The following PLEKHA4 variants were observed in gnomAD, a reference collection of about 807,000 sequenced individuals.
PLEKHA4 encodes pleckstrin homology domain containing A4, also known as pleckstrin homology domain-containing family A member 4.
Under a neutral mutation model 94.7 loss-of-function variants are expected in PLEKHA4, and 73 were observed. The observed-to-expected ratio is 0.77, with a 90% CI of 0.64 to 0.94. The LOEUF is 0.94. Among genes scored for constraint, PLEKHA4 ranks in the 40% least tolerant of loss-of-function variants. PLEKHA4 has a pLI of 0.00. For missense variants in PLEKHA4, 1,049 were observed against 1,054.1 expected (o/e 1.00, Z 0.07); for synonymous variants, 449 against 437.1 (o/e 1.03, Z -0.34).
At chr19:48,855,963 G>A (rs138308573) in intron 9 of PLEKHA4, among the ~76,000 whole-genome samples, 1,688 of 151,096 alleles carry the variant, frequency 0.011, 12 homozygotes, top group South Asian at 0.029. Flanking sequence ...ACCTGAGGTC[G>A]GGAGTTCAAG....
chr19:48,868,362 C>T lies in PLEKHA4; in HGVS notation c.-286G>A, dbSNP rs561407781. The stretch of plus-strand genomic sequence containing the variant: ...TCTCTCTCTCACTCATTCTCTCCCT[C>T]TCTCTCTCTCTCCAATCTTTCTGTT... On this transcript the variant is annotated 5_prime_UTR_variant, in exon 1 of 20. Coordinates refer to ENST00000263265, the MANE Select transcript of PLEKHA4 (RefSeq NM_020904.3). 1.3e-5 allele frequency: 2 copies of T among 151,696 alleles called. No individual in the cohort carries two copies. The highest frequency in any genetic ancestry group is 3.9e-4 in the East Asian group (2 of 5,166). The allele number at this position is 151,696 out of a possible 1,614,324, so 9.4% of individuals were successfully genotyped here.
chr19:48,839,323 G>C, intron 17 of PLEKHA4, 60 bp from the exon 18 acceptor site: 1 of 1,231,508 alleles, frequency 8.1e-7, no homozygotes, highest in Non-Finnish European at 1.1e-6. Context: ...CTCATTTTGA[G>C]GGTGAAGTGA....
At chr19:48,866,362 A>G (rs1355272987) in intron 2 of PLEKHA4, among the ~76,000 whole-genome samples, 2 of 151,940 alleles carry the variant, frequency 1.3e-5, no homozygotes, top group African/African-American at 4.8e-5. Context: ...GCTGGAGCAC[A>G]CTGGCACCAT....
chr19:48,850,724 G>A lies in PLEKHA4; in HGVS notation c.1425+1504C>T, dbSNP rs149377777. On this transcript the variant is annotated intron_variant, in intron 13 of 19. Coordinates refer to ENST00000263265, the MANE Select transcript of PLEKHA4 (RefSeq NM_020904.3). ...CCCAGCTACTCGGGAGGCTGAGGCA[G>A]GAGAATTGCTTGAACCTGGGAGGCG... Among the ~76,000 whole-genome samples, 543 of 152,210 alleles carry A rather than the reference G, an allele frequency of 3.6e-3. 5 individuals are homozygous for A. Among genetic ancestry groups the A allele is most frequent in the African/African-American group, 0.012 (517 of 41,540 alleles).
At position 48,865,510 on chromosome 19, in the gene PLEKHA4, T is replaced by C. The variant is rs752752181; in HGVS notation, c.185A>G (p.His62Arg). ...TTCTCCTACTGACCCCACCTGCTTA[T>C]GAAGCCAGCCTCGGATGTGCACGGG... Reference protein sequence around the residue: ...NLPVHIRGWLHKQDSSGLRLW... With the variant: ...NLPVHIRGWLRKQDSSGLRLW... Residue 62 changes from histidine (H) to arginine (R), a missense_variant, in exon 3 of 20, where the codon CAT becomes CGT. Transcript: ENST00000263265. The C allele has an allele frequency of 3.1e-6, 5 of 1,613,792 alleles. No individual in the cohort carries two copies. Among genetic ancestry groups the C allele is most frequent in the Middle Eastern group, 1.6e-4 (1 of 6,062 alleles).
chr19:48,843,164 T>A lies in PLEKHA4; in HGVS notation c.1744-1854A>T, dbSNP rs531874701. 3.4e-4 allele frequency among the ~76,000 whole-genome samples: 52 copies of A among 150,926 alleles called. No individual in the cohort carries two copies. In the East Asian group the frequency reaches 5.2e-3, roughly 15 times the overall value. ...AGCACAAGAAATGCCTTCTTTTTTT[T>A]AAATTATTTTATTTTATTTTATTTT... On this transcript the variant is annotated intron_variant, in intron 16 of 19. Coordinates refer to ENST00000263265, the MANE Select transcript of PLEKHA4 (RefSeq NM_020904.3).
intron 18 of PLEKHA4, 67 bp from the exon 19 acceptor site, chr19:48,838,196 G>A: frequency 3.2e-6 from 3 of 930,186 alleles, no homozygotes; most frequent in Non-Finnish European, 3.4e-6. Context: ...ATGGTTAATT[G>A]GTACAAAAAG....
rs368295906 is a variant in PLEKHA4 at position 48,859,005 on chromosome 19, A to T, written c.827T>A (p.Ile276Asn). Residue 276 changes from isoleucine (I) to asparagine (N), a missense_variant, in exon 8 of 20, where the codon ATT becomes AAT. Transcript: ENST00000263265. Reference protein sequence around the residue: ...PARPHTPLSRIDVRPPLDWGP... With the variant: ...PARPHTPLSRNDVRPPLDWGP... The stretch of plus-strand genomic sequence containing the variant: ...CCAATCCAGAGGAGGTCGGACATCA[A>T]TGCGACTCAACGGGGTGTGAGGTCG... 2 of 1,501,958 alleles carry T rather than the reference A, an allele frequency of 1.3e-6. No individual in the cohort carries two copies. Among genetic ancestry groups the T allele is most frequent in the African/African-American group, 3.0e-5 (2 of 66,688 alleles). The allele number at this position is 1,501,958 out of a possible 1,614,324, so 93.0% of individuals were successfully genotyped here. A position where few individuals can be genotyped will look rare whatever the true frequency, so the allele number is the denominator to read the frequency against.
At chr19:48,858,027 C>A (rs998075010) in intron 8 of PLEKHA4, among the ~76,000 whole-genome samples, 1 of 152,040 alleles carries the variant, frequency 6.6e-6, no homozygotes, top group African/African-American at 2.4e-5. Flanking sequence ...AGGTTCAGAA[C>A]TGGGCCCTCT....
chr19:48,863,007 G>A (rs952699345), intron 3 of PLEKHA4, among the ~76,000 whole-genome samples: 1 of 152,162 alleles, frequency 6.6e-6, no homozygotes, highest in African/African-American at 2.4e-5. Context: ...CCAGGAAGGT[G>A]GCAATGAGCC....
At position 48,865,600 on chromosome 19, in the gene PLEKHA4, C is replaced by A. The variant is rs754549691; in HGVS notation, c.95G>T (p.Arg32Leu). 1.2e-6 allele frequency: 2 copies of A among 1,613,018 alleles called. No homozygotes were observed. Among genetic ancestry groups the A allele is most frequent in the Non-Finnish European group, 1.7e-6 (2 of 1,179,226 alleles). Residue 32 changes from arginine to leucine, a missense_variant, in exon 3 of 20, where the codon CGG becomes CTG. Physicochemically the swap from Arg to Leu is moderately radical, Grantham distance 102. Transcript: ENST00000263265. The part of the protein sequence containing the change: ...LSSLSPKKPT[R>L]AVNKIHAFGK... ...AAAGGCGTGGATCTTGTTTACTGCC[C>A]GGGTGGGCTTCTGAGGAGAGAAGGG...
chr19:48,852,300 G>A lies in PLEKHA4; in HGVS notation c.1353C>T (p.Tyr451=), dbSNP rs144307672. 85 of 1,613,936 alleles carry A rather than the reference G, an allele frequency of 5.3e-5. No individual in the cohort carries two copies. Among genetic ancestry groups the A allele is most frequent in the Non-Finnish European group, 6.9e-5 (81 of 1,180,010 alleles). The part of the protein sequence containing the change: ...TQERERVWDT[Y]SGLEQELGTL... ...TGCCCAGCTCCTGCTCCAGGCCACTGTACGTGTCCCAAACCCTCTCTCGCT... is the reference window on the plus strand; with the variant it reads ...TGCCCAGCTCCTGCTCCAGGCCACTATACGTGTCCCAAACCCTCTCTCGCT... Residue 451 remains tyrosine (Y), a synonymous_variant, in exon 13 of 20, where the codon TAC becomes TAT. Coordinates refer to ENST00000263265, the MANE Select transcript of PLEKHA4 (RefSeq NM_020904.3).
chr19:48,856,848 G>A (rs1334947019), intron 9 of PLEKHA4, among the ~76,000 whole-genome samples: 2 of 136,200 alleles, frequency 1.5e-5, no homozygotes, highest in African/African-American at 5.8e-5. Context: ...GCAGTGAGCC[G>A]AGATCGCACC....
intron 16 of PLEKHA4, among the ~76,000 whole-genome samples, chr19:48,844,161 AT>A (rs1284834419): frequency 8.8e-6 from 1 of 113,724 alleles, no homozygotes; most frequent in Non-Finnish European, 1.8e-5. Context: ...TATTATTATT[AT>A]TATTATTTTC....
chr19:48,859,642 G>C lies in PLEKHA4; in HGVS notation c.519C>G (p.Gly173=). Residue 173 remains glycine (G), a synonymous_variant, in exon 7 of 20, where the codon GGC becomes GGG. Transcript: ENST00000263265. ...RSPARPQPGE[G]PGGPGGPPEV... ...CCGGGGGACCACCGGGGCCGCCGGG[G>C]CCCTCCCCGGGCTGGGGTCGTGCAG... The C allele has an allele frequency of 6.2e-7, 1 of 1,612,492 alleles. No homozygotes were observed. The highest frequency in any genetic ancestry group is 2.2e-5 in the East Asian group (1 of 44,876).
At position 48,867,617 on chromosome 19, in the gene PLEKHA4, C is replaced by A; in HGVS notation, c.4G>T (p.Glu2Ter). The part of the protein sequence containing the change: M[E>*]GSRPRSSLSL... ...AGGCTGCTGCGAGGTCGGCTCCCCT[C>A]CATCAAGGGCTGGGGGAGAGAAAGA... The change falls in exon 2 of 20, where the codon GAG becomes TAG. Residue 2 changes from glutamate to a stop codon, truncating the protein, a stop_gained. Coordinates refer to ENST00000263265, the MANE Select transcript of PLEKHA4 (RefSeq NM_020904.3). LOFTEE classifies it high-confidence loss of function. The surrounding 1 kb of genome is among the most constrained non-coding windows in gnomAD (Gnocchi z 4.7). 1 of 1,593,038 alleles carries A rather than the reference C, an allele frequency of 6.3e-7. No homozygotes were observed. The highest frequency in any genetic ancestry group is 8.5e-7 in the Non-Finnish European group (1 of 1,171,764).
chr19:48,846,853 G>A (rs777419047), intron 14 of PLEKHA4, among the ~76,000 whole-genome samples: 3 of 152,092 alleles, frequency 2.0e-5, no homozygotes, highest in Admixed American at 6.6e-5. Flanking sequence ...TGTGACCTTC[G>A]GCAAGCTGCT....
intron 4 of PLEKHA4, 38 bp from the exon 5 acceptor site, chr19:48,861,539 T>G: frequency 1.2e-6 from 2 of 1,612,676 alleles, no homozygotes; most frequent in Non-Finnish European, 1.7e-6. Flanking sequence ...CACACAGGGA[T>G]CAGAAGGCCA....
At position 48,850,056 on chromosome 19, in the gene PLEKHA4, C is replaced by A. The variant is rs56235130; in HGVS notation, c.1426-2016G>T. ...TGAAACCCCGTCTCTACTAAAAATA[C>A]AAAAATTAGCCAGGCGTGGTGGCAC... On this transcript the variant is annotated intron_variant, in intron 13 of 19. Coordinates refer to ENST00000263265, the MANE Select transcript of PLEKHA4 (RefSeq NM_020904.3). Among the ~76,000 whole-genome samples, 543 of 151,782 alleles carry A rather than the reference C, an allele frequency of 3.6e-3. 5 individuals are homozygous for A. Among genetic ancestry groups the A allele is most frequent in the Non-Finnish European group, 5.5e-3 (371 of 67,924 alleles).
Sources: allele counts gnomAD v4.1 joint callset (sites outside exome capture counted in the v4.1 genomes callset), GRCh38; gene constraint gnomAD v4.1.1; non-coding constraint Gnocchi (gnomAD v3.1); transcripts MANE v1.5; gene names NCBI Gene and HGNC (gene_info 2026-07-23, HGNC 2026-07-21).